Variants in EN1 observed in about 807,000 individuals in gnomAD.
EN1 encodes the protein homeobox protein engrailed-1.
In EN1, 8 loss-of-function variants were observed where a neutral mutation model predicts 22.9. The ratio of observed to expected loss-of-function variants is 0.35; its 90% CI spans 0.20 to 0.63. The LOEUF (loss-of-function observed/expected upper bound fraction) is 0.63. Ranked by LOEUF, EN1 falls within the 20% of genes least tolerant of loss-of-function variation. The pLI, the probability that EN1 is intolerant of heterozygous loss-of-function variation, is 0.73. For missense variants in EN1, 521 were observed against 572.1 expected (o/e 0.91, Z 0.91); for synonymous variants, 287 against 262.5 (o/e 1.09, Z -0.90).
In EN1 at chr2:118,847,203, C is replaced by T. The variant is rs1462529040; in HGVS notation, c.-36G>A. The T allele has an allele frequency of 4.7e-6, 3 of 639,188 alleles. No individual in the cohort carries two copies. The highest frequency in any genetic ancestry group is 3.0e-5 in the South Asian group (1 of 33,278). The allele number at this position is 639,188 out of a possible 1,614,324, so 39.6% of individuals were successfully genotyped here. A position where few individuals can be genotyped will look rare whatever the true frequency, so the allele number is the denominator to read the frequency against. ...CCCGCCGCCCCGGCCGCCGCGCCGG[C>T]CCCCGCCCCCACCGCCTCGCTCCCC... On this transcript the variant is annotated 5_prime_UTR_variant, in exon 1 of 2. Transcript: ENST00000295206.
Position 118,846,747 on chromosome 2 carries a change from G to T in EN1, c.421C>A (p.Arg141=). The change falls in exon 1 of 2, where the codon CGG becomes AGG. Residue 141 remains arginine (R), a synonymous_variant. Transcript: ENST00000295206. The surrounding 1 kb of genome is among the most constrained non-coding windows in gnomAD (Gnocchi z 5.0). ...GTCTGGCCTCTGTCACGCTCGACCCGGCCTCCTCCTCCTGCGCCTCCTCTG... is the reference window on the plus strand; with the variant it reads ...GTCTGGCCTCTGTCACGCTCGACCCTGCCTCCTCCTCCTGCGCCTCCTCTG... The part of the protein sequence containing the change: ...AARGGAGGGG[R]VERDRGQTAA... The T allele has an allele frequency of 6.3e-7, 1 of 1,594,146 alleles. No individual in the cohort carries two copies. The highest frequency in any genetic ancestry group is 1.3e-5 in the African/African-American group (1 of 74,510).
chr2:118,846,265 G>T lies in EN1; in HGVS notation c.862+41C>A, dbSNP rs755485466. The T allele has an allele frequency of 2.5e-6, 4 of 1,589,488 alleles. No individual in the cohort carries two copies. In the East Asian group the frequency reaches 9.3e-5, roughly 37 times the overall value. ...AGCTTGGCGTTCTGGGGCGGTCCGC[G>T]GGGCCAGAAGGCATGGCGCAGCCCG... is the stretch of plus-strand genomic sequence containing the variant. On this transcript the variant is annotated intron_variant, in intron 1 of 1. Transcript: ENST00000295206. The surrounding 1 kb of genome is among the most constrained non-coding windows in gnomAD (Gnocchi z 5.0).
chr2:118,843,022 C>T lies in EN1; in HGVS notation c.1095G>A (p.Lys365=). 3.1e-6 allele frequency: 5 copies of T among 1,614,146 alleles called. No homozygotes were observed. In the African/African-American group the frequency reaches 6.7e-5, roughly 22 times the overall value. Residue 365 remains lysine (K), a synonymous_variant, in exon 2 of 2, where the codon AAG becomes AAA. Transcript: ENST00000295206. ...RAKIKKATGI[K]NGLALHLMAQ... ...CCATGAGGTGCAGCGCCAGGCCGTT[C>T]TTGATGCCTGTGGCTTTCTTGATCT...
chr2:118,842,911 C>T lies in EN1; in HGVS notation c.*27G>A, dbSNP rs1453717530. 1.3e-6 allele frequency: 2 copies of T among 1,582,480 alleles called. No homozygotes were observed. Among genetic ancestry groups the T allele is most frequent in the Non-Finnish European group, 8.6e-7 (1 of 1,160,252 alleles). ...CGACGGCGGCGGTGCCGGGAGGGGG[C>T]GCGGGCGCGGCCCCGGCCTGTGGCG... On this transcript the variant is annotated 3_prime_UTR_variant, in exon 2 of 2. Transcript: ENST00000295206.
rs773741503 is a variant in EN1 at position 118,847,101 on chromosome 2, TCGCCGC to T, written c.61_66del (p.Ala21_Ala22del). The T allele has an allele frequency of 1.4e-6, 2 of 1,388,270 alleles. No homozygotes were observed. The highest frequency in any genetic ancestry group is 2.7e-5 in the Admixed American group (1 of 36,542). The allele number at this position is 1,388,270 out of a possible 1,614,324, so 86.0% of individuals were successfully genotyped here. ...AGGCTCAGGCTGAGGCCGCCCGGAG[TCGCCGC>T]CGCCGCCGCGCCGAGGGCCGAGTCG... On this transcript the variant is annotated inframe_deletion, in exon 1 of 2. Coordinates refer to ENST00000295206, the MANE Select transcript of EN1 (RefSeq NM_001426.4).
chr2:118,844,727 A>G (rs1338222026), intron 1 of EN1, among the ~76,000 whole-genome samples: 2 of 152,170 alleles, frequency 1.3e-5, no homozygotes, highest in Non-Finnish European at 2.9e-5. Context: ...TCCTATGACA[A>G]AGAGTCCAGG....
rs776487573 is a variant in EN1 at position 118,846,074 on chromosome 2, C to G, written c.862+232G>C. Reference sequence around the variant, plus strand: ...GATTCAGAGTTCAAAATCAAAGAATCGAGACCCGAGCCTCCTGTGCCACGA... The same window carrying G: ...GATTCAGAGTTCAAAATCAAAGAATGGAGACCCGAGCCTCCTGTGCCACGA... On this transcript the variant is annotated intron_variant, in intron 1 of 1. Coordinates refer to ENST00000295206, the MANE Select transcript of EN1 (RefSeq NM_001426.4). The surrounding 1 kb of genome is among the most constrained non-coding windows in gnomAD (Gnocchi z 5.0). 6.6e-6 allele frequency among the ~76,000 whole-genome samples: 1 copy of G among 151,978 alleles called. No homozygotes were observed. The highest frequency in any genetic ancestry group is 1.5e-5 in the Non-Finnish European group (1 of 68,006).
chr2:118,845,051 C>G (rs750686631), intron 1 of EN1, among the ~76,000 whole-genome samples: 48 of 152,262 alleles, frequency 3.2e-4, no homozygotes, highest in Non-Finnish European at 4.8e-4. Context: ...CGTTCCTAGT[C>G]TCCCGGCCAG....
At position 118,842,929 on chromosome 2, in the gene EN1, C is replaced by T. The variant is rs772395203; in HGVS notation, c.*9G>A. On this transcript the variant is annotated 3_prime_UTR_variant, in exon 2 of 2. Coordinates refer to ENST00000295206, the MANE Select transcript of EN1 (RefSeq NM_001426.4). ...GAGGGGGCGCGGGCGCGGCCCCGGC[C>T]TGTGGCGGCTACTCGCTCTCGTCTT... is the stretch of plus-strand genomic sequence containing the variant. 26 of 1,598,202 alleles carry T rather than the reference C, an allele frequency of 1.6e-5. No individual in the cohort carries two copies. Among genetic ancestry groups the T allele is most frequent in the Non-Finnish European group, 2.2e-5 (26 of 1,168,422 alleles).
intron 1 of EN1, chr2:118,844,483 A>G (rs565025575): frequency 6.6e-6 from 1 of 152,354 alleles, no homozygotes; most frequent in South Asian, 2.1e-4. Flanking sequence ...TGTGTGCCTC[A>G]AAAGCCTGCA....
In EN1 at chr2:118,846,283, G is replaced by C. The variant is rs1558801148; in HGVS notation, c.862+23C>G. The C allele has an allele frequency of 6.2e-7, 1 of 1,600,552 alleles. No homozygotes were observed. The highest frequency in any genetic ancestry group is 1.7e-5 in the Admixed American group (1 of 58,572). On this transcript the variant is annotated intron_variant, in intron 1 of 1. Transcript: ENST00000295206. This position sits in a 1 kb window ranked among gnomAD's most constrained non-coding sequence, Gnocchi z 5.0. ...GGTCCGCGGGGCCAGAAGGCATGGC[G>C]CAGCCCGGAGTTGGGTACTCACCGG...
rs1330570562 is a variant in EN1, at chr2:118,842,549, TAAC to T, written c.*386_*388del. ...ATAATTATAATAATTATAATAATTA[TAAC>T]AATAATAATAAAGGAGATTAATAAA... On this transcript the variant is annotated 3_prime_UTR_variant, in exon 2 of 2. Transcript: ENST00000295206. The T allele has an allele frequency of 2.0e-5, 3 of 152,104 alleles. No homozygotes were observed. Among genetic ancestry groups the T allele is most frequent in the Non-Finnish European group, 2.9e-5 (2 of 68,080 alleles). The allele number at this position is 152,104 out of a possible 1,614,324, so 9.4% of individuals were successfully genotyped here. A position where few individuals can be genotyped will look rare whatever the true frequency, so the allele number is the denominator to read the frequency against.
Position 118,842,934 on chromosome 2 carries a change from G to A in EN1, c.*4C>T. On this transcript the variant is annotated 3_prime_UTR_variant, in exon 2 of 2. Coordinates refer to ENST00000295206, the MANE Select transcript of EN1 (RefSeq NM_001426.4). ...GGCGCGGGCGCGGCCCCGGCCTGTG[G>A]CGGCTACTCGCTCTCGTCTTTGTCC... is the stretch of plus-strand genomic sequence containing the variant. 1 of 1,598,808 alleles carries A rather than the reference G, an allele frequency of 6.3e-7. No individual in the cohort carries two copies. Among genetic ancestry groups the A allele is most frequent in the South Asian group, 1.1e-5 (1 of 90,680 alleles).
chr2:118,843,283 G>A (rs1678220245), intron 1 of EN1, 29 bp from the exon 2 acceptor site: 2 of 1,161,726 alleles, frequency 1.7e-6, no homozygotes, highest in South Asian at 2.9e-5. Flanking sequence ...CCGGGGTGGG[G>A]TGGGGGTGGG....
chr2:118,843,309 G>A, intron 1 of EN1, 55 bp from the exon 2 acceptor site: 1 of 1,163,506 alleles, frequency 8.6e-7, no homozygotes, highest in South Asian at 1.6e-5. Flanking sequence ...AGGGCAGAAG[G>A]GAGGGGGGAG....
Position 118,846,370 on chromosome 2 carries a change from C to T in EN1, c.798G>A (p.Ser266=), listed in dbSNP as rs368737948. 3.7e-6 allele frequency: 6 copies of T among 1,612,388 alleles called. No individual in the cohort carries two copies. Among genetic ancestry groups the T allele is most frequent in the African/African-American group, 1.3e-5 (1 of 75,030 alleles). Residue 266 remains serine (S), a synonymous_variant, in exon 1 of 2, where the codon TCG becomes TCA. Coordinates refer to ENST00000295206, the MANE Select transcript of EN1 (RefSeq NM_001426.4). This position sits in a 1 kb window ranked among gnomAD's most constrained non-coding sequence, Gnocchi z 5.0. The stretch of plus-strand genomic sequence containing the variant: ...AGGCGGGCCATACGAGAGGCTGCTG[C>T]GAGTCAGTTTTGACCACGGGCCCGC... ...ANGGPVVKTD[S]QQPLVWPAWV... is the part of the protein sequence containing the mutation.
chr2:118,843,167 C>T lies in EN1; in HGVS notation c.950G>A (p.Arg317Lys), dbSNP rs145326362. 72 of 1,608,940 alleles carry T rather than the reference C, an allele frequency of 4.5e-5. No homozygotes were observed. The African/African-American group carries it at 7.2e-4, about 16-fold the overall frequency. ...RTAFTAEQLQ[R>K]LKAEFQANRY... ...GTTTGCCTGGAACTCCGCCTTGAGT[C>T]TCTGCAGCTGCTCGGCCGTGAACGC... is the stretch of plus-strand genomic sequence containing the variant. Residue 317 changes from arginine (R) to lysine (K), a missense_variant, in exon 2 of 2, where the codon AGA becomes AAA. Physicochemically the swap from Arg to Lys is conservative, Grantham distance 26. Around this residue, in one of 3 missense-constraint regions of EN1, gnomAD observed 50 missense variants for 121.8 expected, o/e 0.41. Coordinates refer to ENST00000295206, the MANE Select transcript of EN1 (RefSeq NM_001426.4).
In EN1 at chr2:118,842,937, G is replaced by A; in HGVS notation, c.*1C>T. ...GCGGGCGCGGCCCCGGCCTGTGGCGGCTACTCGCTCTCGTCTTTGTCCTGG... is the reference window on the plus strand; with the variant it reads ...GCGGGCGCGGCCCCGGCCTGTGGCGACTACTCGCTCTCGTCTTTGTCCTGG... On this transcript the variant is annotated 3_prime_UTR_variant, in exon 2 of 2. Coordinates refer to ENST00000295206, the MANE Select transcript of EN1 (RefSeq NM_001426.4). 1.3e-6 allele frequency: 2 copies of A among 1,599,516 alleles called. No homozygotes were observed. Among genetic ancestry groups the A allele is most frequent in the Non-Finnish European group, 1.7e-6 (2 of 1,168,842 alleles).
chr2:118,843,109 C>G lies in EN1; in HGVS notation c.1008G>C (p.Leu336=). Residue 336 remains leucine, a synonymous_variant, in exon 2 of 2, where the codon CTG becomes CTC. Coordinates refer to ENST00000295206, the MANE Select transcript of EN1 (RefSeq NM_001426.4). The part of the protein sequence containing the change: ...RYITEQRRQT[L]AQELSLNESQ... ...ACTCGTTGAGGCTGAGTTCCTGGGC[C>G]AGGGTCTGCCGCCGCTGCTCCGTGA... 1.2e-6 allele frequency: 2 copies of G among 1,613,984 alleles called. No individual in the cohort carries two copies. Among genetic ancestry groups the G allele is most frequent in the Non-Finnish European group, 1.7e-6 (2 of 1,179,980 alleles).
Sources: allele counts gnomAD v4.1 joint callset (sites outside exome capture counted in the v4.1 genomes callset), GRCh38; gene constraint gnomAD v4.1.1; regional missense constraint gnomAD v4.1.1; non-coding constraint Gnocchi (gnomAD v3.1); transcripts MANE v1.5; gene names NCBI Gene and HGNC (gene_info 2026-07-23, HGNC 2026-07-21).